Variants in RAB7B observed in about 807,000 individuals in gnomAD.
The protein encoded by RAB7B is ras-related protein Rab-7b.
At chr1:205,993,658 G>A in intron 2 of RAB7B, 112 bp from the exon 3 acceptor site, 1 of 396,504 alleles carries the variant, frequency 2.5e-6, no homozygotes, top group Non-Finnish European at 4.4e-6. Flanking sequence ...CTCTCCCTGA[G>A]ATTCTGAATT....
intron 5 of RAB7B, 24 bp downstream of exon 5, chr1:205,985,516 G>A (rs1392957645): frequency 2.5e-6 from 1 of 398,708 alleles, no homozygotes; most frequent in African/African-American, 2.1e-5. Context: ...GGTCTCAGCA[G>A]GTCCTGCCGC....
Position 205,977,120 on chromosome 1 carries a change from T to C in RAB7B, c.*1731A>G, listed in dbSNP as rs986464814. On this transcript the variant is annotated 3_prime_UTR_variant, in exon 6 of 6. Transcript: ENST00000617070. The stretch of plus-strand genomic sequence containing the variant: ...GTCAGATGACAGTCATAGGCTAACA[T>C]CCCCAGCTTTGCCTGGAACTCAGGA... 2,928 of 152,216 alleles carry C rather than the reference T, an allele frequency of 0.019. 50 individuals carry two copies. Among genetic ancestry groups the C allele is most frequent in the South Asian group, 0.052 (249 of 4,828 alleles). The allele number at this position is 152,216 out of a possible 1,614,324, so 9.4% of individuals were successfully genotyped here.
At chr1:205,993,231 G>A (rs1419878685) in intron 3 of RAB7B, among the ~76,000 whole-genome samples, 189 bp downstream of exon 3, 4 of 152,154 alleles carry the variant, frequency 2.6e-5, no homozygotes, top group African/African-American at 7.2e-5. Context: ...AATGGTTATG[G>A]CTGTGCCCCA....
At chr1:205,981,982 C>G (rs1660500923) in intron 5 of RAB7B, among the ~76,000 whole-genome samples, 1 of 152,226 alleles carries the variant, frequency 6.6e-6, no homozygotes, top group African/African-American at 2.4e-5. Flanking sequence ...AGCTGAACAC[C>G]TACTCTGGTT....
At chr1:205,986,205 C>T (rs1354905330) in intron 4 of RAB7B, among the ~76,000 whole-genome samples, 2 of 152,236 alleles carry the variant, frequency 1.3e-5, no homozygotes, top group African/African-American at 4.8e-5. Flanking sequence ...TGGGCAGAGA[C>T]TCGGGTCTCA....
chr1:205,979,729 C>T (rs1177277445), intron 5 of RAB7B, among the ~76,000 whole-genome samples: 3 of 152,154 alleles, frequency 2.0e-5, no homozygotes, highest in Non-Finnish European at 2.9e-5. Context: ...CTGTGGGCCT[C>T]GGGGTGAGTG....
rs1660640916 is a variant in RAB7B at position 205,987,894 on chromosome 1, T to C, written c.397-2229A>G. On this transcript the variant is annotated intron_variant, in intron 4 of 5. Coordinates refer to ENST00000617070, the MANE Select transcript of RAB7B (RefSeq NM_001164522.3). ...TTTACCATTTTTAAATTAAACACTT[T>C]TTAAAAAAATTTTTGTTTTGTTTTG... Among the ~76,000 whole-genome samples the C allele has an allele frequency of 2.0e-5, 3 of 152,172 alleles. No homozygotes were observed. The South Asian group carries it at 6.2e-4, about 31-fold the overall frequency.
At chr1:205,980,046 A>C (rs1229839724) in intron 5 of RAB7B, among the ~76,000 whole-genome samples, 11 of 152,228 alleles carry the variant, frequency 7.2e-5, no homozygotes, top group African/African-American at 2.6e-4. Flanking sequence ...TGGTGCCCCC[A>C]AATACATAAG....
intron 5 of RAB7B, among the ~76,000 whole-genome samples, chr1:205,981,526 C>T (rs1363158416): frequency 2.0e-5 from 3 of 150,738 alleles, no homozygotes; most frequent in Non-Finnish European, 3.0e-5. Flanking sequence ...TAACTGAACA[C>T]CTACTCTGGT....
chr1:205,978,720 A>G lies in RAB7B; in HGVS notation c.*131T>C. ...ACCAGGGTCAAGGGCTCTGCCGCAG[A>G]GCTTAGGCCCCCTGCACTGTGCTTG... On this transcript the variant is annotated 3_prime_UTR_variant, in exon 6 of 6. Transcript: ENST00000617070. 2 of 394,930 alleles carry G rather than the reference A, an allele frequency of 5.1e-6. No individual in the cohort carries two copies. Among genetic ancestry groups the G allele is most frequent in the Non-Finnish European group, 8.9e-6 (2 of 224,138 alleles). 24.5% of individuals were successfully genotyped at this position (394,930 alleles called of 1,614,324 possible).
At chr1:205,985,016 C>A (rs966612603) in intron 5 of RAB7B, among the ~76,000 whole-genome samples, 34 of 152,310 alleles carry the variant, frequency 2.2e-4, no homozygotes, top group Middle Eastern at 6.8e-3. Flanking sequence ...GGCCTATCTG[C>A]CTGCCTCTTG....
chr1:205,986,406 C>G (rs999707750), intron 4 of RAB7B, among the ~76,000 whole-genome samples: 2 of 152,222 alleles, frequency 1.3e-5, no homozygotes, highest in African/African-American at 4.8e-5. Flanking sequence ...GCAACTTGCC[C>G]CAGATCACAT....
chr1:205,992,168 G>A (rs897681102), intron 4 of RAB7B, among the ~76,000 whole-genome samples: 1 of 152,134 alleles, frequency 6.6e-6, no homozygotes. Context: ...ATATCATGCT[G>A]TTTATTCAGC....
At chr1:205,995,628 C>T (rs1660801626) in intron 1 of RAB7B, among the ~76,000 whole-genome samples, 1 of 151,992 alleles carries the variant, frequency 6.6e-6, no homozygotes, top group Non-Finnish European at 1.5e-5. Flanking sequence ...GTGAAATAAC[C>T]CAGGCAAAGA....
At position 205,976,755 on chromosome 1, in the gene RAB7B, A is replaced by G. The variant is rs1402575615; in HGVS notation, c.*2096T>C. 6.6e-6 allele frequency: 1 copy of G among 152,236 alleles called. No individual in the cohort carries two copies. Among genetic ancestry groups the G allele is most frequent in the Non-Finnish European group, 1.5e-5 (1 of 68,036 alleles). 9.4% of individuals were successfully genotyped at this position (152,236 alleles called of 1,614,324 possible). A position where few individuals can be genotyped will look rare whatever the true frequency, so the allele number is the denominator to read the frequency against. On this transcript the variant is annotated 3_prime_UTR_variant, in exon 6 of 6. Coordinates refer to ENST00000617070, the MANE Select transcript of RAB7B (RefSeq NM_001164522.3). ...GCACAAAAGATAAAAACAAAGAAGGACACATTTATTATTTGTTGTGCACCT... is the reference window on the plus strand; with the variant it reads ...GCACAAAAGATAAAAACAAAGAAGGGCACATTTATTATTTGTTGTGCACCT...
chr1:206,000,510 G>A (rs1212101637), intron 1 of RAB7B, among the ~76,000 whole-genome samples: 1 of 152,180 alleles, frequency 6.6e-6, no homozygotes, highest in African/African-American at 2.4e-5. Flanking sequence ...GCCTTGGATG[G>A]GTTACTGAAC....
chr1:205,987,902 A>C (rs1333643278), intron 4 of RAB7B, among the ~76,000 whole-genome samples: 1 of 152,094 alleles, frequency 6.6e-6, no homozygotes, highest in Non-Finnish European at 1.5e-5. Context: ...TTTTTAAAAA[A>C]ATTTTTGTTT....
intron 5 of RAB7B, among the ~76,000 whole-genome samples, chr1:205,982,308 T>A (rs1411872593): frequency 6.6e-6 from 1 of 152,190 alleles, no homozygotes; most frequent in African/African-American, 2.4e-5. Context: ...CCTGTTCCTT[T>A]CTCCCTGCAT....
At position 205,982,018 on chromosome 1, in the gene RAB7B, C is replaced by T. The variant is rs1017615214; in HGVS notation, c.523-3090G>A. 6.3e-3 allele frequency among the ~76,000 whole-genome samples: 958 copies of T among 152,086 alleles called. 11 individuals carry two copies. Among genetic ancestry groups the T allele is most frequent in the South Asian group, 0.012 (58 of 4,824 alleles). ...TCTTTCACAATGTTAACACCTACTCCGGTCTCTTTCAGTATGTTAACTGAA... is the reference window on the plus strand; with the variant it reads ...TCTTTCACAATGTTAACACCTACTCTGGTCTCTTTCAGTATGTTAACTGAA... On this transcript the variant is annotated intron_variant, in intron 5 of 5. Transcript: ENST00000617070.
Sources: gnomAD v4.1 joint callset for allele counts (sites outside exome capture counted in the v4.1 genomes callset) on GRCh38, gnomAD v4.1.1 for gene constraint, MANE v1.5 for transcripts, NCBI Gene and HGNC (gene_info 2026-07-23, HGNC 2026-07-21) for gene names.